MMEL1: variants seen among roughly 807,000 people sequenced by gnomAD.
MMEL1 encodes the protein membrane metallo-endopeptidase-like 1.
A neutral mutation model predicts 117.1 loss-of-function variants in MMEL1; 98 were observed. The observed-to-expected ratio is 0.84, with a 90% confidence interval of 0.71 to 0.99. MMEL1 has a LOEUF of 0.99. Ranked by LOEUF, MMEL1 falls within the 50% of genes least tolerant of loss-of-function variation. The pLI is 0.00. For missense variants in MMEL1, 1,014 were observed against 1,049.1 expected (o/e 0.97, Z 0.46); for synonymous variants, 390 against 415.1 (o/e 0.94, Z 0.74).
intron 3 of MMEL1, chr1:2,611,545 T>G: frequency 1.0e-5 from 5 of 501,804 alleles, no homozygotes; most frequent in African/African-American, 2.0e-5. Flanking sequence ...CTGGTGGGGG[T>G]GGGGTGTGGC....
chr1:2,598,880 A>C, intron 11 of MMEL1, 90 bp from the exon 12 acceptor site: 4 of 1,145,642 alleles, frequency 3.5e-6, no homozygotes, highest in Non-Finnish European at 2.5e-6. Flanking sequence ...CCTGTTGAAG[A>C]ATGTTCAAGG....
Position 2,629,525 on chromosome 1 carries a change from C to T in MMEL1, c.-37-4G>A. On this transcript the variant is annotated splice_region_variant and splice_polypyrimidine_tract_variant and intron_variant, in intron 1 of 23. Transcript: ENST00000378412. ...CGGGAGAGCACCGCGGAGGAACCTG[C>T]AGGCCCAGGGCAGGGGAGAGGGGAG... 2 of 1,433,876 alleles carry T rather than the reference C, an allele frequency of 1.4e-6. No homozygotes were observed. The highest frequency in any genetic ancestry group is 9.2e-7 in the Non-Finnish European group (1 of 1,091,616). 88.8% of individuals were successfully genotyped at this position (1,433,876 alleles called of 1,614,324 possible).
Position 2,598,388 on chromosome 1 carries a change from G to T in MMEL1, c.1179-88C>A, listed in dbSNP as rs546592996. ...ATGGCTTAGGGCCCTTGGCCAGCACGTTCCACCCCAGAGAGTTATGGGTGC... is the reference window on the plus strand; with the variant it reads ...ATGGCTTAGGGCCCTTGGCCAGCACTTTCCACCCCAGAGAGTTATGGGTGC... On this transcript the variant is annotated intron_variant, in intron 12 of 23. Coordinates refer to ENST00000378412, the MANE Select transcript of MMEL1 (RefSeq NM_033467.4). 685 of 1,374,888 alleles carry T rather than the reference G, an allele frequency of 5.0e-4. 9 individuals are homozygous for T. In the South Asian group the frequency reaches 7.7e-3, roughly 16 times the overall value. The allele number at this position is 1,374,888 out of a possible 1,614,324, so 85.2% of individuals were successfully genotyped here.
chr1:2,596,066 C>G lies in MMEL1; in HGVS notation c.1443G>C (p.Glu481Asp), dbSNP rs1557523048. 6.2e-7 allele frequency: 1 copy of G among 1,614,094 alleles called. No homozygotes were observed. Among genetic ancestry groups the G allele is most frequent in the Non-Finnish European group, 8.5e-7 (1 of 1,179,976 alleles). Residue 481 changes from glutamate (E) to aspartate (D), a missense_variant, in exon 15 of 24, where the codon GAG becomes GAC. Physicochemically the swap from Glu to Asp is conservative, Grantham distance 45. Coordinates refer to ENST00000378412, the MANE Select transcript of MMEL1 (RefSeq NM_033467.4). ...CCATCCAGCCCAGCTCGTCCAGCGTCTCCACAAACACTGTCCGCACCTTGT... is the reference window on the plus strand; with the variant it reads ...CCATCCAGCCCAGCTCGTCCAGCGTGTCCACAAACACTGTCCGCACCTTGT... ...LIDKVRTVFV[E>D]TLDELGWMDE...
At position 2,596,699 on chromosome 1, in the gene MMEL1, C is replaced by T. The variant is rs1476116613; in HGVS notation, c.1273-10G>A. On this transcript the variant is annotated splice_polypyrimidine_tract_variant and intron_variant, in intron 13 of 23. Transcript: ENST00000378412. ...TTGTGCCAAACAGCGCCTGGTGGGG[C>T]CACCCGATCATCCCACGGGCCCCCA... 6.2e-7 allele frequency: 1 copy of T among 1,610,720 alleles called. No homozygotes were observed. The highest frequency in any genetic ancestry group is 2.2e-5 in the East Asian group (1 of 44,844).
At chr1:2,625,223 G>A (rs564330327) in intron 2 of MMEL1, among the ~76,000 whole-genome samples, 50 of 152,178 alleles carry the variant, frequency 3.3e-4, no homozygotes, top group African/African-American at 9.9e-4. Context: ...AACTCATTCC[G>A]GCATTAACTC....
chr1:2,592,763 TC>T, intron 20 of MMEL1, 43 bp from the exon 21 acceptor site: 1 of 1,609,832 alleles, frequency 6.2e-7, no homozygotes, highest in Non-Finnish European at 8.5e-7. Context: ...GGCCCTGACT[TC>T]CCTCTCCCTC....
chr1:2,629,522 C>T lies in MMEL1; in HGVS notation c.-37-1G>A, dbSNP rs895030564. On this transcript the variant is annotated splice_acceptor_variant, in intron 1 of 23. Transcript: ENST00000378412. LOFTEE classifies it low-confidence loss of function (5UTR_SPLICE). ...GGACGGGAGAGCACCGCGGAGGAACCTGCAGGCCCAGGGCAGGGGAGAGGG... is the reference window on the plus strand; with the variant it reads ...GGACGGGAGAGCACCGCGGAGGAACTTGCAGGCCCAGGGCAGGGGAGAGGG... 4 of 1,435,570 alleles carry T rather than the reference C, an allele frequency of 2.8e-6. No individual in the cohort carries two copies. The African/African-American group carries it at 4.4e-5, about 16-fold the overall frequency. 88.9% of individuals were successfully genotyped at this position (1,435,570 alleles called of 1,614,324 possible).
chr1:2,605,321 C>G (rs1267076322), intron 9 of MMEL1, among the ~76,000 whole-genome samples: 1 of 152,172 alleles, frequency 6.6e-6, no homozygotes, highest in Non-Finnish European at 1.5e-5. Flanking sequence ...CATGGGGCTG[C>G]TGCTGAGCTG....
At chr1:2,618,177 G>A (rs1165100475) in intron 2 of MMEL1, among the ~76,000 whole-genome samples, 3 of 152,158 alleles carry the variant, frequency 2.0e-5, no homozygotes, top group Non-Finnish European at 4.4e-5. Context: ...CTGGTGGGAG[G>A]TGTTTGGATT....
At position 2,625,082 on chromosome 1, in the gene MMEL1, A is replaced by T. The variant is rs541718409; in HGVS notation, c.154+4249T>A. Among the ~76,000 whole-genome samples the T allele has an allele frequency of 3.9e-5, 6 of 152,334 alleles. No homozygotes were observed. In the South Asian group the frequency reaches 1.2e-3, roughly 32 times the overall value. On this transcript the variant is annotated intron_variant, in intron 2 of 23. Transcript: ENST00000378412. The stretch of plus-strand genomic sequence containing the variant: ...GCCTCTCCCCTGACACATGAGGATT[A>T]CAATTTGACATGAGATTGGGTGGGG...
intron 2 of MMEL1, among the ~76,000 whole-genome samples, chr1:2,628,626 C>T (rs1340031949): frequency 7.6e-6 from 1 of 132,194 alleles, no homozygotes; most frequent in Non-Finnish European, 1.6e-5. Context: ...ACCAGGTCTA[C>T]GGGTGCCTGG....
intron 12 of MMEL1, 103 bp from the exon 13 acceptor site, chr1:2,598,403 G>A: frequency 7.8e-7 from 1 of 1,290,282 alleles, no homozygotes; most frequent in Non-Finnish European, 1.1e-6. Flanking sequence ...ACCCCAGAGA[G>A]TTATGGGTGC....
intron 1 of MMEL1, among the ~76,000 whole-genome samples, chr1:2,632,088 C>T (rs1344057167): frequency 6.7e-6 from 1 of 150,266 alleles, no homozygotes; most frequent in Non-Finnish European, 1.5e-5. Context: ...CAGGTTTCTC[C>T]CCCCACCCTC....
At chr1:2,611,377 G>A in intron 3 of MMEL1, 37 bp from the exon 4 acceptor site, 1 of 1,469,996 alleles carries the variant, frequency 6.8e-7, no homozygotes, top group Non-Finnish European at 9.1e-7. Context: ...CGGGAGCCAC[G>A]GAGAGGGTGG....
chr1:2,607,111 G>C (rs998877920), intron 6 of MMEL1, 42 bp from the exon 7 acceptor site: 3 of 1,555,728 alleles, frequency 1.9e-6, no homozygotes, highest in African/African-American at 1.4e-5. Flanking sequence ...CCTCCCTGTG[G>C]CTCACGTGCC....
chr1:2,602,415 C>T (rs1644947510), intron 11 of MMEL1, among the ~76,000 whole-genome samples: 1 of 152,202 alleles, frequency 6.6e-6, no homozygotes, highest in Non-Finnish European at 1.5e-5. Flanking sequence ...CCACGGCAAC[C>T]TCAGGCCATC....
Position 2,614,029 on chromosome 1 carries a change from G to A in MMEL1, c.155-1825C>T, listed in dbSNP as rs76342344. ...GGTTGAATAGGTGAAGAACAAGGGA[G>A]TTTTGGGGGCAAAAAATGACAAATA... is the stretch of plus-strand genomic sequence containing the variant. On this transcript the variant is annotated intron_variant, in intron 2 of 23. Coordinates refer to ENST00000378412, the MANE Select transcript of MMEL1 (RefSeq NM_033467.4). Among the ~76,000 whole-genome samples, 326 of 152,266 alleles carry A rather than the reference G, an allele frequency of 2.1e-3. 1 individual carries two copies. The highest frequency in any genetic ancestry group is 7.5e-3 in the African/African-American group (313 of 41,570).
chr1:2,612,984 G>A lies in MMEL1; in HGVS notation c.155-780C>T, dbSNP rs1242219745. Among the ~76,000 whole-genome samples the A allele has an allele frequency of 6.6e-6, 1 of 152,214 alleles. No homozygotes were observed. Among genetic ancestry groups the A allele is most frequent in the Non-Finnish European group, 1.5e-5 (1 of 68,034 alleles). ...CTCGTTCAGGTCAGGGCTGTTGGCA[G>A]GCCTGGAACCTGGCCTAGCCCTGGG... is the stretch of plus-strand genomic sequence containing the variant. On this transcript the variant is annotated intron_variant, in intron 2 of 23. Coordinates refer to ENST00000378412, the MANE Select transcript of MMEL1 (RefSeq NM_033467.4). This position sits in a 1 kb window ranked among gnomAD's most constrained non-coding sequence, Gnocchi z 5.4.
Sources: gnomAD v4.1 joint callset for allele counts (sites outside exome capture counted in the v4.1 genomes callset) on GRCh38, gnomAD v4.1.1 for gene constraint, Gnocchi (gnomAD v3.1) non-coding constraint, MANE v1.5 for transcripts, NCBI Gene and HGNC (gene_info 2026-07-23, HGNC 2026-07-21) for gene names.